Variants in DAB1 observed in about 807,000 individuals in gnomAD.
The protein encoded by DAB1 is DAB adaptor protein 1, also known as disabled homolog 1.
Under a neutral mutation model 64.6 loss-of-function variants are expected in DAB1, and 15 were observed. That is an observed-to-expected ratio of 0.23 (90% CI 0.16 to 0.36). The LOEUF (loss-of-function observed/expected upper bound fraction) is 0.36. Ranked by LOEUF, DAB1 falls within the 10% of genes least tolerant of loss-of-function variation. The pLI is 1.00. For missense variants in DAB1, 596 were observed against 706.7 expected (o/e 0.84, Z 1.78); for synonymous variants, 235 against 251.9 (o/e 0.93, Z 0.64).
intron 4 of DAB1, among the ~76,000 whole-genome samples, chr1:58,316,244 G>T: frequency 6.6e-6 from 1 of 152,246 alleles, no homozygotes; most frequent in East Asian, 1.9e-4. Flanking sequence ...TGGGCAGGAA[G>T]ATCTGAAGCT....
chr1:58,135,444 A>T (rs969325970), intron 5 of DAB1, among the ~76,000 whole-genome samples: 3 of 152,168 alleles, frequency 2.0e-5, no homozygotes, highest in African/African-American at 7.2e-5. Context: ...CTCAGTGCTG[A>T]GTTCCTGTCT....
At chr1:57,608,587 T>A (rs12089129) in intron 7 of DAB1, among the ~76,000 whole-genome samples, 2,501 of 152,326 alleles carry the variant, frequency 0.016, 58 homozygotes, top group African/African-American at 0.052. Context: ...AAATTAGTAT[T>A]AAATACTTGT....
intron 7 of DAB1, among the ~76,000 whole-genome samples, chr1:57,431,614 C>T (rs1685519130): frequency 6.6e-6 from 1 of 152,116 alleles, no homozygotes; most frequent in Admixed American, 6.5e-5. Flanking sequence ...TTCATTTTTC[C>T]AAGGAGCGGG....
In DAB1 at chr1:57,932,468, A is replaced by ATTT. The variant is rs61202343; in HGVS notation, n.388-48309_388-48307dup. On this transcript the variant is annotated intron_variant and non_coding_transcript_variant, in intron 5 of 20. Coordinates refer to the DAB1 transcript ENST00000485760. Reference sequence around the variant, plus strand: ...AGGTGCCCGCCACCAAGCCCAGCTAATTTTTTTTTTTTTTTTGTATTTTTA... The same window carrying ATTT: ...AGGTGCCCGCCACCAAGCCCAGCTAATTTTTTTTTTTTTTTTTTTGTATTTTTA... 3.5e-3 allele frequency among the ~76,000 whole-genome samples: 503 copies of ATTT among 143,510 alleles called. 1 individual carries two copies. The highest frequency in any genetic ancestry group is 5.5e-3 in the African/African-American group (215 of 38,870). 94.1% of individuals were successfully genotyped at this position (143,510 alleles called of 152,430 possible). A position where few individuals can be genotyped will look rare whatever the true frequency, so the allele number is the denominator to read the frequency against.
chr1:58,469,010 T>C (rs1475554577), intron 3 of DAB1: 3 of 244,094 alleles, frequency 1.2e-5, no homozygotes, highest in African/African-American at 4.6e-5. Context: ...CTCCGTCTTA[T>C]GAAAAGAAAA....
chr1:58,492,122 A>G (rs1373017395), intron 3 of DAB1, among the ~76,000 whole-genome samples: 3 of 152,130 alleles, frequency 2.0e-5, no homozygotes, highest in Admixed American at 2.0e-4. Context: ...ACTCAAAACC[A>G]CTCAACCACA....
chr1:57,556,531 T>C (rs993357016), intron 7 of DAB1, among the ~76,000 whole-genome samples: 2 of 152,196 alleles, frequency 1.3e-5, no homozygotes, highest in Non-Finnish European at 2.9e-5. Context: ...TGCTAATTAG[T>C]GATGCTGAGC....
intron 6 of DAB1, among the ~76,000 whole-genome samples, chr1:57,805,320 C>G (rs1429053835): frequency 6.6e-6 from 1 of 152,142 alleles, no homozygotes; most frequent in Non-Finnish European, 1.5e-5. Flanking sequence ...CAACAAGGGG[C>G]AGAAATTCAT....
At position 57,785,943 on chromosome 1, in the gene DAB1, A is replaced by G. The variant is rs1473929719; in HGVS notation, n.551+98056T>C. On this transcript the variant is annotated intron_variant and non_coding_transcript_variant, in intron 6 of 20. Coordinates refer to the DAB1 transcript ENST00000485760. ...AAAATCTTTCACAAAACGAAGAGTC[A>G]ATTGATGCAGCAAACTTCATTGTTG... Among the ~76,000 whole-genome samples the G allele has an allele frequency of 5.9e-5, 9 of 152,296 alleles. No homozygotes were observed. In the East Asian group the frequency reaches 1.5e-3, roughly 26 times the overall value.
chr1:58,336,554 C>A (rs1044696151), intron 4 of DAB1, among the ~76,000 whole-genome samples: 1 of 152,166 alleles, frequency 6.6e-6, no homozygotes, highest in Non-Finnish European at 1.5e-5. Context: ...ATGAGAAAAT[C>A]AAGTCCATAC....
intron 12 of DAB1, 49 bp from the exon 13 acceptor site, chr1:57,011,321 T>C: frequency 1.9e-6 from 3 of 1,598,424 alleles, no homozygotes; most frequent in Non-Finnish European, 2.6e-6. Flanking sequence ...CTGGCTGCCA[T>C]GAATGTATCC....
rs565135358 is a variant in DAB1, at chr1:58,183,129, T to C, written n.310-32541A>G. Among the ~76,000 whole-genome samples the C allele has an allele frequency of 2.6e-5, 4 of 152,178 alleles. 1 individual carries two copies. Among genetic ancestry groups the C allele is most frequent in the African/African-American group, 9.6e-5 (4 of 41,482 alleles). On this transcript the variant is annotated intron_variant and non_coding_transcript_variant, in intron 4 of 20. Coordinates refer to the DAB1 transcript ENST00000485760. ...GAGATTACCCCTGGTAAGCATAGTG[T>C]AGTGATCATGTTGAGTGGTCAGAGG...
intron 6 of DAB1, among the ~76,000 whole-genome samples, chr1:57,671,350 C>A (rs1646508066): frequency 6.6e-6 from 1 of 151,978 alleles, no homozygotes; most frequent in South Asian, 2.1e-4. Flanking sequence ...TAAAATGCAA[C>A]CATTAAAAAA....
At chr1:57,868,332 C>G (rs1654392226) in intron 1 of DAB1, among the ~76,000 whole-genome samples, 1 of 152,142 alleles carries the variant, frequency 6.6e-6, no homozygotes, top group East Asian at 1.9e-4. Context: ...GCTTAAGCAA[C>G]TAGACTGATT....
chr1:58,352,805 G>T (rs1159298458), intron 3 of DAB1, among the ~76,000 whole-genome samples: 1 of 151,996 alleles, frequency 6.6e-6, no homozygotes, highest in African/African-American at 2.4e-5. Flanking sequence ...TGATGAATGG[G>T]ATCAGTGCTC....
At chr1:58,295,559 C>CATCT (rs1197602360) in intron 4 of DAB1, among the ~76,000 whole-genome samples, 12 of 152,270 alleles carry the variant, frequency 7.9e-5, no homozygotes, top group African/African-American at 2.9e-4. Flanking sequence ...TAGCTCAAGC[C>CATCT]ATATTTTTTC....
chr1:57,079,598 C>A (rs1652297965), intron 4 of DAB1, among the ~76,000 whole-genome samples: 1 of 152,138 alleles, frequency 6.6e-6, no homozygotes, highest in Non-Finnish European at 1.5e-5. Context: ...AGGATAAAGA[C>A]CAAAATACTT....
At chr1:57,446,970 T>A (rs1438463570) in intron 7 of DAB1, among the ~76,000 whole-genome samples, 1 of 152,200 alleles carries the variant, frequency 6.6e-6, no homozygotes, top group Non-Finnish European at 1.5e-5. Context: ...CTGGTTTTAT[T>A]CATAAAATCC....
chr1:57,177,496 T>C lies in DAB1; in HGVS notation c.68-32067A>G, dbSNP rs1569763547. 2.0e-5 allele frequency among the ~76,000 whole-genome samples: 3 copies of C among 152,174 alleles called. 1 individual carries two copies. Among genetic ancestry groups the C allele is most frequent in the Admixed American group, 2.0e-4 (3 of 15,264 alleles). ...ACAATGTCCACATAGAATTAGGTAG[T>C]AGACATCCAGGCACTGAAGCCATAA... is the stretch of plus-strand genomic sequence containing the variant. On this transcript the variant is annotated intron_variant, in intron 2 of 14. Coordinates refer to ENST00000371236, the MANE Select transcript of DAB1 (RefSeq NM_001365792.1).
Sources: allele counts gnomAD v4.1 joint callset (sites outside exome capture counted in the v4.1 genomes callset), GRCh38; gene constraint gnomAD v4.1.1; transcripts MANE v1.5; gene names NCBI Gene and HGNC (gene_info 2026-07-23, HGNC 2026-07-21).